Variants in TUB observed in about 807,000 individuals in gnomAD.
TUB encodes the protein TUB bipartite transcription factor.
In TUB, 33 loss-of-function variants were observed where a neutral mutation model predicts 59.7. The observed-to-expected ratio is 0.55, with a 90% confidence interval of 0.42 to 0.74. The LOEUF (loss-of-function observed/expected upper bound fraction) is 0.74, where lower values mean the gene tolerates loss of function less well. TUB is among the 30% of genes least tolerant of loss of function. The pLI, the probability that TUB is intolerant of heterozygous loss-of-function variation, is 0.00. For synonymous variants in TUB, 293 were observed against 256.4 expected, an observed-to-expected ratio of 1.14 and a Z score of -1.36; for missense variants, 659 against 672.0, an observed-to-expected ratio of 0.98 and a Z score of 0.21.
Position 8,101,710 on chromosome 11 carries a change from G to A in TUB, c.*91G>A. ...CAGCCCTGCCTATCCTCTGTATATAGGCCTTCCGCCAGATGAAGCTTTGGC... is the reference window on the plus strand; with the variant it reads ...CAGCCCTGCCTATCCTCTGTATATAAGCCTTCCGCCAGATGAAGCTTTGGC... On this transcript the variant is annotated 3_prime_UTR_variant, in exon 12 of 12. Transcript: ENST00000299506. 1 of 1,510,538 alleles carries A rather than the reference G, an allele frequency of 6.6e-7. No individual in the cohort carries two copies. Among genetic ancestry groups the A allele is most frequent in the Non-Finnish European group, 8.9e-7 (1 of 1,127,862 alleles). The allele number at this position is 1,510,538 out of a possible 1,614,324, so 93.6% of individuals were successfully genotyped here.
At position 8,081,634 on chromosome 11, in the gene TUB, C is replaced by A. The variant is rs982928904; in HGVS notation, c.38+86C>A. ...GATACGCGGCCGGGGCGCAGGGCAC[C>A]GCTGCCCTCCCCACCTATCCCAGCA... On this transcript the variant is annotated intron_variant, in intron 1 of 11. Coordinates refer to ENST00000299506, the MANE Select transcript of TUB (RefSeq NM_177972.3). The A allele has an allele frequency of 1.9e-5, 26 of 1,373,324 alleles. No individual in the cohort carries two copies. In the East Asian group the frequency reaches 7.5e-4, roughly 40 times the overall value. The allele number at this position is 1,373,324 out of a possible 1,614,324, so 85.1% of individuals were successfully genotyped here.
intron 3 of TUB, among the ~76,000 whole-genome samples, chr11:8,091,055 T>C (rs1943761413): frequency 6.6e-6 from 1 of 152,088 alleles, no homozygotes; most frequent in Non-Finnish European, 1.5e-5. Flanking sequence ...AGGAAGAACC[T>C]TAGCAGTCGT....
At chr11:8,069,365 C>G (rs1325398491) in intron 2 of TUB, 1 of 142,028 alleles carries the variant, frequency 7.0e-6, no homozygotes, top group Non-Finnish European at 1.5e-5. Flanking sequence ...ATTTTACACT[C>G]TCATTTTTAA....
At chr11:8,090,018 C>G (rs1361052898) in intron 2 of TUB, 51 bp from the exon 3 acceptor site, 3 of 1,519,296 alleles carry the variant, frequency 2.0e-6, no homozygotes, top group Middle Eastern at 1.8e-4. Flanking sequence ...AACTGGGAGC[C>G]CGCCCTTCCT....
intron 2 of TUB, among the ~76,000 whole-genome samples, chr11:8,041,945 C>T (rs972319511): frequency 6.6e-6 from 1 of 152,196 alleles, no homozygotes; most frequent in Non-Finnish European, 1.5e-5. Flanking sequence ...GCTCCAATTC[C>T]TCCACAACTA....
chr11:8,024,149 C>G lies in TUB; in HGVS notation c.56+4791C>G, dbSNP rs1283865887. 2.0e-5 allele frequency among the ~76,000 whole-genome samples: 3 copies of G among 152,330 alleles called. No homozygotes were observed. The South Asian group carries it at 6.2e-4, about 32-fold the overall frequency. ...GCCTTTTCCCGGCCTCTCTTCTCTTCCCAGCTTGTATTACATGGTAGATTA... is the reference window on the plus strand; with the variant it reads ...GCCTTTTCCCGGCCTCTCTTCTCTTGCCAGCTTGTATTACATGGTAGATTA... On this transcript the variant is annotated intron_variant, in intron 1 of 11. Transcript: ENST00000534099.
intron 2 of TUB, among the ~76,000 whole-genome samples, chr11:8,045,408 C>G (rs1942816343): frequency 6.6e-6 from 1 of 151,992 alleles, no homozygotes; most frequent in African/African-American, 2.4e-5. Flanking sequence ...TTTTTGAATG[C>G]CTGGGTAATT....
rs1420079010 is a variant in TUB, at chr11:8,101,520, A to C, written c.1422A>C (p.Ala474=). Residue 474 remains alanine, a synonymous_variant, in exon 12 of 12, where the codon GCA becomes GCC. Transcript: ENST00000299506. ...DYIVMQFGRV[A]EDVFTMDYNY... The stretch of plus-strand genomic sequence containing the variant: ...TCGTGATGCAGTTTGGCCGGGTAGC[A>C]GAGGATGTGTTCACCATGGATTACA... 2 of 1,614,226 alleles carry C rather than the reference A, an allele frequency of 1.2e-6. No individual in the cohort carries two copies. Among genetic ancestry groups the C allele is most frequent in the South Asian group, 2.2e-5 (2 of 91,082 alleles).
At chr11:8,023,251 A>AGCAGAC (rs1942456136) in intron 1 of TUB, among the ~76,000 whole-genome samples, 1 of 152,190 alleles carries the variant, frequency 6.6e-6, no homozygotes, top group African/African-American at 2.4e-5. Context: ...GCTGCCTTGT[A>AGCAGAC]TTAGTCAAAG....
intron 6 of TUB, 87 bp from the exon 7 acceptor site, chr11:8,097,141 C>T (rs571138799): frequency 3.1e-5 from 46 of 1,470,086 alleles, no homozygotes; most frequent in South Asian, 2.6e-4. Flanking sequence ...CCCACCGCCA[C>T]GTTAGGAGGC....
chr11:8,098,790 A>G lies in TUB; in HGVS notation c.1031A>G (p.Tyr344Cys). The change falls in exon 9 of 12, where the codon TAT (tyrosine) becomes TGT (cysteine). Residue 344 changes from tyrosine (Y) to cysteine (C), a missense_variant. This residue lies in a region of TUB where 112 missense variants were observed against 156.9 expected (regional missense o/e 0.71). Coordinates refer to ENST00000299506, the MANE Select transcript of TUB (RefSeq NM_177972.3). ...TTGATGGGCACCAAGTTCACTGTTT[A>G]TGACAATGGAGTCAACCCTCAGAAG... is the stretch of plus-strand genomic sequence containing the variant. Reference protein sequence around the residue: ...SNLMGTKFTVYDNGVNPQKAS... With the variant: ...SNLMGTKFTVCDNGVNPQKAS... The G allele has an allele frequency of 6.2e-7, 1 of 1,614,088 alleles. No individual in the cohort carries two copies. Among genetic ancestry groups the G allele is most frequent in the Non-Finnish European group, 8.5e-7 (1 of 1,180,010 alleles).
chr11:8,091,971 G>GGCCT (rs1162525917), intron 3 of TUB, among the ~76,000 whole-genome samples: 1 of 152,248 alleles, frequency 6.6e-6, no homozygotes. Flanking sequence ...ACAGAATAGG[G>GGCCT]GCCTGCACCC....
chr11:8,031,051 G>A (rs1942564180), intron 1 of TUB, among the ~76,000 whole-genome samples: 1 of 152,212 alleles, frequency 6.6e-6, no homozygotes, highest in African/African-American at 2.4e-5. Context: ...TCTGAGAGAA[G>A]GCGTCTGTGT....
At chr11:8,037,038 G>A (rs1942656271), upstream of TUB, among the ~76,000 whole-genome samples, 1 of 152,306 alleles carries the variant, frequency 6.6e-6, no homozygotes, top group Admixed American at 6.5e-5. Context: ...TACTCTGACT[G>A]GAGGGTCTCA....
At chr11:8,019,374 G>A (rs1400219860) in intron 1 of TUB, 1 of 1,245,142 alleles carries the variant, frequency 8.0e-7, no homozygotes, top group Admixed American at 4.1e-5. Context: ...GCGCCCGAAG[G>A]GTGGCCCTGC....
chr11:8,023,631 T>A (rs772788231), intron 1 of TUB, among the ~76,000 whole-genome samples: 108 of 152,246 alleles, frequency 7.1e-4, no homozygotes, highest in Non-Finnish European at 1.4e-3. Context: ...ACGCAATAGG[T>A]TTAAAATCAG....
intron 1 of TUB, chr11:8,019,417 G>A: frequency 8.1e-7 from 1 of 1,227,192 alleles, no homozygotes; most frequent in Non-Finnish European, 1.0e-6. Context: ...TCTCCTGCGG[G>A]AGAAGCGGGC....
intron 2 of TUB, among the ~76,000 whole-genome samples, chr11:8,074,883 A>AT: frequency 6.7e-6 from 1 of 148,956 alleles, no homozygotes; most frequent in Non-Finnish European, 1.5e-5. Context: ...AGTAGCTGGG[A>AT]TTACAGGTGC....
intron 2 of TUB, among the ~76,000 whole-genome samples, chr11:8,045,271 A>G (rs1942814299): frequency 6.6e-6 from 1 of 152,188 alleles, no homozygotes; most frequent in Non-Finnish European, 1.5e-5. Context: ...TGTTCCTATC[A>G]TGCAAGAATT....
Sources: allele counts gnomAD v4.1 joint callset (sites outside exome capture counted in the v4.1 genomes callset), GRCh38; gene constraint gnomAD v4.1.1; regional missense constraint gnomAD v4.1.1; transcripts MANE v1.5; gene names NCBI Gene and HGNC (gene_info 2026-07-23, HGNC 2026-07-21).